Variants in CAMK1D observed in about 807,000 individuals in gnomAD.
CAMK1D encodes the protein calcium/calmodulin-dependent protein kinase type 1D.
A neutral mutation model predicts 47.7 loss-of-function variants in CAMK1D; 9 were observed. The observed-to-expected ratio is 0.19, with a 90% CI of 0.11 to 0.33. The LOEUF is 0.33. Among genes scored for constraint, CAMK1D ranks in the 10% least tolerant of loss-of-function variants. The probability of loss-of-function intolerance (pLI) is 1.00; values close to 1 mark genes in which losing one functional copy is unlikely to be tolerated. For missense variants in CAMK1D, 291 were observed against 488.7 expected (o/e 0.60, Z 3.81); for synonymous variants, 184 against 184.9 (o/e 0.99, Z 0.04).
At chr10:12,545,453 T>TAA (rs59666684) in intron 1 of CAMK1D, among the ~76,000 whole-genome samples, 52 of 52,262 alleles carry the variant, frequency 9.9e-4, no homozygotes, top group African/African-American at 3.2e-3. Context: ...CATCTCACAG[T>TAA]AAAAAAAAAA....
At chr10:12,447,904 G>C (rs1019897184) in intron 1 of CAMK1D, among the ~76,000 whole-genome samples, 3 of 151,978 alleles carry the variant, frequency 2.0e-5, no homozygotes, top group African/African-American at 7.3e-5. Context: ...CCAGGCTAGG[G>C]TGCAATGGCA....
At chr10:12,751,083 TAA>T (rs1279212196) in intron 3 of CAMK1D, among the ~76,000 whole-genome samples, 2 of 82,858 alleles carry the variant, frequency 2.4e-5, no homozygotes, top group East Asian at 4.4e-4. Flanking sequence ...TAAGATAAGA[TAA>T]GATAAGATAA....
At chr10:12,788,970 G>A (rs12359004) in intron 5 of CAMK1D, among the ~76,000 whole-genome samples, 6,149 of 152,286 alleles carry the variant, frequency 0.04, 152 homozygotes, top group East Asian at 0.061. Flanking sequence ...AGCCAGTTTC[G>A]GGGATTATCT....
At chr10:12,554,068 G>A (rs1472208480) in intron 2 of CAMK1D, among the ~76,000 whole-genome samples, 1 of 151,992 alleles carries the variant, frequency 6.6e-6, no homozygotes, top group Non-Finnish European at 1.5e-5. Context: ...TTTGCTCACT[G>A]TGTGTAATAG....
chr10:12,701,131 G>A (rs1174986300), intron 3 of CAMK1D, among the ~76,000 whole-genome samples: 1 of 114,954 alleles, frequency 8.7e-6, no homozygotes, highest in Non-Finnish European at 1.8e-5. Context: ...TTCTTTTTTT[G>A]AGATGGAATT....
At chr10:12,576,593 A>G (rs550002266) in intron 2 of CAMK1D, among the ~76,000 whole-genome samples, 9 of 152,308 alleles carry the variant, frequency 5.9e-5, no homozygotes, top group African/African-American at 1.9e-4. Flanking sequence ...AGATGGTGAC[A>G]GATCATCAGG....
At position 12,567,267 on chromosome 10, in the gene CAMK1D, C is replaced by T. The variant is rs555113428; in HGVS notation, c.224+13911C>T. Among the ~76,000 whole-genome samples the T allele has an allele frequency of 3.9e-5, 6 of 152,306 alleles. No homozygotes were observed. The South Asian group carries it at 1.2e-3, about 32-fold the overall frequency. On this transcript the variant is annotated intron_variant, in intron 2 of 10. Transcript: ENST00000619168. ...CTGCAGGCCTGAGAGCTGTGCTGTT[C>T]CTTCTCTGTCCTGTTTGATCCTTTG...
At chr10:12,498,648 A>C (rs568006073) in intron 1 of CAMK1D, among the ~76,000 whole-genome samples, 163 of 152,270 alleles carry the variant, frequency 1.1e-3, no homozygotes, top group African/African-American at 3.4e-3. Context: ...TGAAGAGTGG[A>C]GATGAAACTG....
chr10:12,824,892 G>T (rs1833141154), intron 9 of CAMK1D, among the ~76,000 whole-genome samples: 1 of 152,102 alleles, frequency 6.6e-6, no homozygotes, highest in Admixed American at 6.5e-5. Flanking sequence ...AATCTGAGTT[G>T]TACTCATCAA....
rs540156211 is a variant in CAMK1D, at chr10:12,783,657, T to C, written c.566-7501T>C. On this transcript the variant is annotated intron_variant, in intron 5 of 10. Coordinates refer to ENST00000619168, the MANE Select transcript of CAMK1D (RefSeq NM_153498.4). ...TTTCAGTCCCCTTGGTTACGCCTTG[T>C]TCTTCTCTCTTCTTTGGTAAGGAAA... is the stretch of plus-strand genomic sequence containing the variant. 2.0e-5 allele frequency among the ~76,000 whole-genome samples: 3 copies of C among 152,246 alleles called. No individual in the cohort carries two copies. In the South Asian group the frequency reaches 6.2e-4, roughly 31 times the overall value.
chr10:12,411,264 A>G (rs1266111091), intron 1 of CAMK1D, among the ~76,000 whole-genome samples: 1 of 152,220 alleles, frequency 6.6e-6, no homozygotes. Flanking sequence ...TTCTGAGCTC[A>G]GAAGTTTCTG....
intron 3 of CAMK1D, among the ~76,000 whole-genome samples, chr10:12,711,988 T>G (rs1833955838): frequency 2.0e-5 from 3 of 152,244 alleles, no homozygotes; most frequent in Admixed American, 1.3e-4. Context: ...CAGATCAGGT[T>G]TCTCCTAAGT....
At chr10:12,648,460 T>A (rs1839872071) in intron 2 of CAMK1D, among the ~76,000 whole-genome samples, 1 of 152,134 alleles carries the variant, frequency 6.6e-6, no homozygotes, top group South Asian at 2.1e-4. Flanking sequence ...GCTTGCTATT[T>A]ATTTATTTAT....
chr10:12,390,844 G>A (rs1257661322), intron 1 of CAMK1D, among the ~76,000 whole-genome samples: 2 of 152,148 alleles, frequency 1.3e-5, no homozygotes, highest in African/African-American at 4.8e-5. Context: ...TGTCCCCACG[G>A]AGCCATCCTT....
intron 3 of CAMK1D, among the ~76,000 whole-genome samples, chr10:12,668,930 A>T (rs1473596001): frequency 3.9e-5 from 6 of 152,102 alleles, no homozygotes; most frequent in Non-Finnish European, 8.8e-5. Context: ...AAAACAAAAA[A>T]CAAAAAACAA....
intron 1 of CAMK1D, among the ~76,000 whole-genome samples, chr10:12,390,631 C>T (rs1322035884): frequency 2.0e-5 from 3 of 152,186 alleles, no homozygotes; most frequent in African/African-American, 7.2e-5. Flanking sequence ...CCAGGGCTAA[C>T]CATGAGCTCC....
At chr10:12,637,090 G>A (rs537150916) in intron 2 of CAMK1D, among the ~76,000 whole-genome samples, 1 of 152,210 alleles carries the variant, frequency 6.6e-6, no homozygotes, top group African/African-American at 2.4e-5. Context: ...TCCTGCCACA[G>A]CCTCCCAAGT....
intron 1 of CAMK1D, among the ~76,000 whole-genome samples, chr10:12,451,157 A>G (rs766622162): frequency 6.6e-6 from 1 of 152,168 alleles, no homozygotes; most frequent in Non-Finnish European, 1.5e-5. Flanking sequence ...TAAAAGTTCC[A>G]TTGGAGGACT....
intron 6 of CAMK1D, among the ~76,000 whole-genome samples, chr10:12,795,674 G>A (rs1014813176): frequency 6.6e-6 from 1 of 152,202 alleles, no homozygotes; most frequent in East Asian, 1.9e-4. Context: ...CCTCTTGCAC[G>A]CCATATAAAC....
Sources: allele counts gnomAD v4.1 joint callset (sites outside exome capture counted in the v4.1 genomes callset), GRCh38; gene constraint gnomAD v4.1.1; transcripts MANE v1.5; gene names NCBI Gene and HGNC (gene_info 2026-07-23, HGNC 2026-07-21).